The following DCLK1 variants were observed in gnomAD, a reference collection of about 807,000 sequenced individuals.
DCLK1 encodes serine/threonine-protein kinase DCLK1.
DCLK1 carries 16 observed loss-of-function variants against 86.2 expected under a neutral mutation model. The ratio of observed to expected loss-of-function variants is 0.19; its 90% CI spans 0.13 to 0.28. The LOEUF (loss-of-function observed/expected upper bound fraction) is 0.28. Among genes scored for constraint, DCLK1 ranks in the 10% least tolerant of loss-of-function variants. DCLK1 has a pLI of 1.00. For missense variants in DCLK1, 590 were observed against 940.2 expected (o/e 0.63, Z 4.87); for synonymous variants, 369 against 370.5 (o/e 1.00, Z 0.05).
At chr13:36,097,668 C>T (rs938711458) in intron 3 of DCLK1, among the ~76,000 whole-genome samples, 7 of 152,122 alleles carry the variant, frequency 4.6e-5, no homozygotes, top group African/African-American at 1.7e-4. Context: ...ATTTCAGTAG[C>T]TTTCTCAACA....
intron 3 of DCLK1, among the ~76,000 whole-genome samples, chr13:35,959,120 A>C (rs989768354): frequency 3.3e-5 from 5 of 152,186 alleles, no homozygotes; most frequent in African/African-American, 9.7e-5. Context: ...GCCTCTTAAA[A>C]ATTATATATG....
At chr13:36,051,588 C>T (rs1477544150) in intron 3 of DCLK1, among the ~76,000 whole-genome samples, 1 of 152,112 alleles carries the variant, frequency 6.6e-6, no homozygotes, top group Non-Finnish European at 1.5e-5. Context: ...ATAACCATGA[C>T]AATTTTTTTG....
In DCLK1 at chr13:36,017,207, G is replaced by T. The variant is rs184119110; in HGVS notation, c.724-69750C>A. ...CTTTTAATACAGAATTGGAGTTACT[G>T]ATCGTATCTCCAAACTGCGGGATCT... is the stretch of plus-strand genomic sequence containing the variant. On this transcript the variant is annotated intron_variant, in intron 3 of 16. Coordinates refer to ENST00000360631, the MANE Select transcript of DCLK1 (RefSeq NM_001330071.2). Among the ~76,000 whole-genome samples the T allele has an allele frequency of 9.8e-5, 15 of 152,300 alleles. No individual in the cohort carries two copies. In the East Asian group the frequency reaches 2.7e-3, roughly 27 times the overall value.
intron 8 of DCLK1, among the ~76,000 whole-genome samples, chr13:35,829,278 C>G (rs1868753721): frequency 6.6e-6 from 1 of 152,160 alleles, no homozygotes; most frequent in Admixed American, 6.5e-5. Context: ...GTGACAAACA[C>G]AAGAACACGT....
intron 3 of DCLK1, among the ~76,000 whole-genome samples, chr13:35,994,718 T>C (rs1336845092): frequency 6.6e-6 from 1 of 152,232 alleles, no homozygotes; most frequent in Non-Finnish European, 1.5e-5. Context: ...ATTTTGGCAG[T>C]GCTCGGGCTC....
intron 3 of DCLK1, among the ~76,000 whole-genome samples, chr13:36,040,305 G>T (rs1367039246): frequency 6.9e-6 from 1 of 144,942 alleles, no homozygotes; most frequent in East Asian, 2.1e-4. Context: ...GGCTTTCTTT[G>T]TTTTTGATGA....
intron 3 of DCLK1, among the ~76,000 whole-genome samples, chr13:36,046,302 C>A (rs1325346975): frequency 1.3e-5 from 2 of 152,150 alleles, no homozygotes; most frequent in Non-Finnish European, 2.9e-5. Context: ...CTCTAATCAT[C>A]CAACAGCATC....
chr13:36,033,305 C>T (rs1882358644), intron 3 of DCLK1, among the ~76,000 whole-genome samples: 1 of 152,122 alleles, frequency 6.6e-6, no homozygotes, highest in Non-Finnish European at 1.5e-5. Flanking sequence ...GATCACTGGA[C>T]AGGAAGTCAG....
At chr13:36,057,533 C>T (rs1282236554) in intron 3 of DCLK1, among the ~76,000 whole-genome samples, 1 of 152,148 alleles carries the variant, frequency 6.6e-6, no homozygotes, top group African/African-American at 2.4e-5. Flanking sequence ...CCTCTTAGGG[C>T]AGAGAGATGA....
chr13:35,976,825 C>A (rs75698423), intron 3 of DCLK1, among the ~76,000 whole-genome samples: 1 of 152,224 alleles, frequency 6.6e-6, no homozygotes, highest in Non-Finnish European at 1.5e-5. Flanking sequence ...TGAGCCACCG[C>A]GCCCGGCCTT....
At chr13:35,944,612 A>G (rs139748714) in intron 4 of DCLK1, among the ~76,000 whole-genome samples, 1 of 152,326 alleles carries the variant, frequency 6.6e-6, no homozygotes, top group African/African-American at 2.4e-5. Context: ...ATCTCAATTT[A>G]GATCGTTTTT....
At chr13:35,927,405 C>G (rs1308539040) in intron 4 of DCLK1, among the ~76,000 whole-genome samples, 1 of 152,190 alleles carries the variant, frequency 6.6e-6, no homozygotes, top group Non-Finnish European at 1.5e-5. Flanking sequence ...GAGTGATCAG[C>G]CTCCCTGTCC....
At position 36,023,453 on chromosome 13, in the gene DCLK1, C is replaced by T. The variant is rs1881875676; in HGVS notation, c.724-75996G>A. Among the ~76,000 whole-genome samples, 3 of 152,278 alleles carry T rather than the reference C, an allele frequency of 2.0e-5. No homozygotes were observed. The South Asian group carries it at 6.2e-4, about 32-fold the overall frequency. Reference sequence around the variant, plus strand: ...CAGAAGGCAGTCTGTTGGAGACCCTCTTGCTCAAGAAGGTGGGTCATTTGC... The same window carrying T: ...CAGAAGGCAGTCTGTTGGAGACCCTTTTGCTCAAGAAGGTGGGTCATTTGC... On this transcript the variant is annotated intron_variant, in intron 3 of 16. Coordinates refer to ENST00000360631, the MANE Select transcript of DCLK1 (RefSeq NM_001330071.2).
rs1413539267 is a variant in DCLK1, at chr13:35,901,964, G to A, written c.824-30624C>T. Among the ~76,000 whole-genome samples the A allele has an allele frequency of 9.2e-5, 14 of 152,218 alleles. No homozygotes were observed. In the East Asian group the frequency reaches 2.7e-3, roughly 29 times the overall value. On this transcript the variant is annotated intron_variant, in intron 4 of 16. Coordinates refer to ENST00000360631, the MANE Select transcript of DCLK1 (RefSeq NM_001330071.2). ...CTAAGTGATGAGAGCCTAAGTCAGAGCAATGGCAGAAGAAATTGAACATAA... is the reference window on the plus strand; with the variant it reads ...CTAAGTGATGAGAGCCTAAGTCAGAACAATGGCAGAAGAAATTGAACATAA...
At chr13:35,826,539 A>AAAAG (rs1555342383) in intron 10 of DCLK1, among the ~76,000 whole-genome samples, 9 of 45,274 alleles carry the variant, frequency 2.0e-4, no homozygotes, top group Non-Finnish European at 2.7e-4. Flanking sequence ...AAAAAAAAAA[A>AAAAG]AAAGAAAGAA....
Position 35,894,331 on chromosome 13 carries a change from C to T in DCLK1, c.824-22991G>A, listed in dbSNP as rs538752243. ...ACGGCAAGGAATTTATCCAGGGGCA[C>T]ACAGCTACACGGCATCTGCGCCAGA... On this transcript the variant is annotated intron_variant, in intron 4 of 16. Coordinates refer to ENST00000360631, the MANE Select transcript of DCLK1 (RefSeq NM_001330071.2). Among the ~76,000 whole-genome samples the T allele has an allele frequency of 5.3e-5, 8 of 152,288 alleles. No individual in the cohort carries two copies. In the East Asian group the frequency reaches 1.6e-3, roughly 30 times the overall value.
At chr13:35,808,158 G>A in intron 14 of DCLK1, 66 bp downstream of exon 14, 1 of 1,448,438 alleles carries the variant, frequency 6.9e-7, no homozygotes, top group East Asian at 2.3e-5. Context: ...TGCACACAAT[G>A]ATTTGGAAAA....
intron 15 of DCLK1, among the ~76,000 whole-genome samples, chr13:35,801,405 T>C (rs1270380100): frequency 2.0e-5 from 3 of 152,226 alleles, no homozygotes; most frequent in African/African-American, 7.2e-5. Flanking sequence ...AAAGATAATT[T>C]CAAAAGTTAA....
At chr13:36,047,112 A>G (rs1882942724) in intron 3 of DCLK1, among the ~76,000 whole-genome samples, 1 of 152,244 alleles carries the variant, frequency 6.6e-6, no homozygotes, top group Non-Finnish European at 1.5e-5. Flanking sequence ...ATGAAAATGC[A>G]AATTAAAACT....
Sources: gnomAD v4.1 joint callset for allele counts (sites outside exome capture counted in the v4.1 genomes callset) on GRCh38, gnomAD v4.1.1 for gene constraint, MANE v1.5 for transcripts, NCBI Gene and HGNC (gene_info 2026-07-23, HGNC 2026-07-21) for gene names.